Variants in ACACB observed in about 807,000 individuals in gnomAD.
ACACB encodes acetyl-CoA carboxylase 2.
Under a neutral mutation model 278.8 loss-of-function variants are expected in ACACB, and 209 were observed. That is an observed-to-expected ratio of 0.75 (90% confidence interval 0.67 to 0.84). The LOEUF (loss-of-function observed/expected upper bound fraction) is 0.84. Ranked by LOEUF, ACACB falls within the 40% of genes least tolerant of loss-of-function variation. ACACB has a pLI of 0.00. For missense variants in ACACB, 2,850 were observed against 3,269.0 expected (o/e 0.87, Z 3.13); for synonymous variants, 1,174 against 1,285.6 (o/e 0.91, Z 1.86).
intron 1 of ACACB, among the ~76,000 whole-genome samples, chr12:109,117,047 CTTTTTTTTTTTTT>C (rs71747045): frequency 1.8e-5 from 2 of 109,100 alleles, no homozygotes; most frequent in South Asian, 3.0e-4. Context: ...AATGGTTGTT[CTTTTTTTTTTTTT>C]TTTTTTTTTT....
At chr12:109,172,465 T>A (rs2044151308) in intron 6 of ACACB, 109 bp downstream of exon 6, 1 of 985,742 alleles carries the variant, frequency 1.0e-6, no homozygotes, top group Non-Finnish European at 1.5e-6. Flanking sequence ...TCCGTTTGAT[T>A]TCCCACCTCA....
At chr12:109,170,677 T>C (rs2044081298) in intron 4 of ACACB, among the ~76,000 whole-genome samples, 1 of 152,130 alleles carries the variant, frequency 6.6e-6, no homozygotes, top group African/African-American at 2.4e-5. Flanking sequence ...TGTTCATGAG[T>C]ATAGAGCTTC....
intron 16 of ACACB, 72 bp from the exon 17 acceptor site, chr12:109,196,936 G>C: frequency 1.4e-6 from 2 of 1,444,666 alleles, no homozygotes; most frequent in Non-Finnish European, 1.8e-6. Context: ...CTTGTTTGTT[G>C]TTAGCGGGGC....
rs377753069 is a variant in ACACB, at chr12:109,144,572, T to C, written c.653+4514T>C. 7.3e-4 allele frequency among the ~76,000 whole-genome samples: 111 copies of C among 152,138 alleles called. 2 individuals are homozygous for C. The East Asian group carries it at 0.01, about 14-fold the overall frequency. ...CAGCAAATTTGATTTAAAACTCGAATTGGCTTTTATTTACAATTCTAGGAT... is the reference window on the plus strand; with the variant it reads ...CAGCAAATTTGATTTAAAACTCGAACTGGCTTTTATTTACAATTCTAGGAT... On this transcript the variant is annotated intron_variant, in intron 2 of 52. Coordinates refer to ENST00000338432, the MANE Select transcript of ACACB (RefSeq NM_001093.4).
intron 1 of ACACB, among the ~76,000 whole-genome samples, chr12:109,133,720 C>G (rs1277589230): frequency 6.6e-6 from 1 of 151,450 alleles, no homozygotes; most frequent in East Asian, 1.9e-4. Context: ...TCAAAACTGT[C>G]ATGGAGATAC....
chr12:109,267,231 C>G lies in ACACB; in HGVS notation c.*869C>G, dbSNP rs938228713. On this transcript the variant is annotated 3_prime_UTR_variant, in exon 53 of 53. Coordinates refer to ENST00000338432, the MANE Select transcript of ACACB (RefSeq NM_001093.4). ...AAATGCTATTTTGTTCCCCAAATGG[C>G]GCTAGTGAATCACTAGGAGGGTCCC... 1 of 152,108 alleles carries G rather than the reference C, an allele frequency of 6.6e-6. No homozygotes were observed. Among genetic ancestry groups the G allele is most frequent in the African/African-American group, 2.4e-5 (1 of 41,398 alleles). The allele number at this position is 152,108 out of a possible 1,614,324, so 9.4% of individuals were successfully genotyped here.
chr12:109,241,206 G>C lies in ACACB; in HGVS notation c.4947G>C (p.Leu1649=). 1.2e-6 allele frequency: 2 copies of C among 1,614,194 alleles called. No individual in the cohort carries two copies. The highest frequency in any genetic ancestry group is 1.7e-6 in the Non-Finnish European group (2 of 1,180,036). Residue 1649 remains leucine, a synonymous_variant, in exon 36 of 53, where the codon CTG becomes CTC. Coordinates refer to ENST00000338432, the MANE Select transcript of ACACB (RefSeq NM_001093.4). ...CCGGCAGTGCCGTTCCCATCCGCCT[G>C]TTCATCACCAATGAGTCGGGCTACT... ...TTTGSAVPIR[L]FITNESGYYL...
At chr12:109,185,432 C>T (rs1277096055) in intron 11 of ACACB, 147 bp from the exon 12 acceptor site, 4 of 826,930 alleles carry the variant, frequency 4.8e-6, no homozygotes, top group Non-Finnish European at 5.5e-6. Flanking sequence ...TCTCTGGCCA[C>T]AGTAGAGCAC....
intron 2 of ACACB, among the ~76,000 whole-genome samples, chr12:109,142,723 C>T (rs1593393209): frequency 6.6e-6 from 1 of 152,118 alleles, no homozygotes; most frequent in African/African-American, 2.4e-5. Context: ...TGTGCCACCA[C>T]ACCTGGCTAA....
Position 109,191,853 on chromosome 12 carries a change from A to G in ACACB, c.2302A>G (p.Lys768Glu). ...GAAGTGCATTTTCTCCTAGGCGGAGAAACCGGATATCATGCTTGGGGTGGT... is the reference window on the plus strand; with the variant it reads ...GAAGTGCATTTTCTCCTAGGCGGAGGAACCGGATATCATGCTTGGGGTGGT... ...YLIAEKVQAE[K>E]PDIMLGVVCG... The change falls in exon 15 of 53, where the codon AAA becomes GAA. Residue 768 changes from lysine (K) to glutamate (E), a missense_variant. Physicochemically the swap from Lys to Glu is moderately conservative, Grantham distance 56. This residue lies in a region of ACACB where 2,265 missense variants were observed against 2,561.3 expected (regional missense o/e 0.88). Transcript: ENST00000338432. 6.2e-6 allele frequency: 10 copies of G among 1,614,130 alleles called. No individual in the cohort carries two copies. Among genetic ancestry groups the G allele is most frequent in the Non-Finnish European group, 8.5e-6 (10 of 1,180,022 alleles).
chr12:109,131,839 G>A (rs947502276), intron 1 of ACACB, among the ~76,000 whole-genome samples: 2 of 152,272 alleles, frequency 1.3e-5, no homozygotes, highest in East Asian at 1.9e-4. Context: ...GGAAGGGCTC[G>A]TCTGGCCTTC....
chr12:109,184,624 C>G (rs2044590765), intron 11 of ACACB, among the ~76,000 whole-genome samples: 1 of 152,056 alleles, frequency 6.6e-6, no homozygotes, highest in Non-Finnish European at 1.5e-5. Flanking sequence ...GTGACACATT[C>G]CATTTTATTT....
chr12:109,132,598 G>C (rs1356493249), intron 1 of ACACB, among the ~76,000 whole-genome samples: 1 of 152,138 alleles, frequency 6.6e-6, no homozygotes, highest in Non-Finnish European at 1.5e-5. Context: ...GCAGCAGTGA[G>C]GTGAATGGGG....
chr12:109,248,834 G>T (rs958471095), intron 40 of ACACB: 2 of 152,184 alleles, frequency 1.3e-5, no homozygotes, highest in Non-Finnish European at 2.9e-5. Context: ...ATGCTAAAGT[G>T]CATTGTGAAT....
intron 33 of ACACB, among the ~76,000 whole-genome samples, chr12:109,236,923 G>A (rs758705616): frequency 6.6e-6 from 1 of 151,992 alleles, no homozygotes; most frequent in East Asian, 1.9e-4. Context: ...AGGAGCCAGC[G>A]CTGCACCCAG....
chr12:109,266,372 G>T lies in ACACB; in HGVS notation c.*10G>T. 1.3e-6 allele frequency: 2 copies of T among 1,589,430 alleles called. No individual in the cohort carries two copies. Among genetic ancestry groups the T allele is most frequent in the South Asian group, 2.2e-5 (2 of 88,988 alleles). On this transcript the variant is annotated 3_prime_UTR_variant, in exon 53 of 53. Coordinates refer to ENST00000338432, the MANE Select transcript of ACACB (RefSeq NM_001093.4). ...CCCGGCCTCCACCTGACCGTGGCCC[G>T]CCCAGCCACTCCCGGGACCACGGCA...
rs758029445 is a variant in ACACB, at chr12:109,237,333, A to G, written c.4615A>G (p.Arg1539Gly). 1.2e-6 allele frequency: 2 copies of G among 1,614,168 alleles called. No homozygotes were observed. Among genetic ancestry groups the G allele is most frequent in the Non-Finnish European group, 1.7e-6 (2 of 1,180,032 alleles). ...VKEGVEVTDHRFFIRAIIRHS... is the reference protein window; with the variant it reads ...VKEGVEVTDHGFFIRAIIRHS... ...GGAAGGTGTGGAAGTGACGGACCAT[A>G]GGTTCTTCATCCGCGCCATCATCAG... Residue 1539 changes from arginine to glycine, a missense_variant, in exon 34 of 53, where the codon AGG becomes GGG. By Grantham distance (125) the Arg-to-Gly change is moderately radical. Around this residue, in one of 3 missense-constraint regions of ACACB, gnomAD observed 2,265 missense variants for 2,561.3 expected, o/e 0.88. Coordinates refer to ENST00000338432, the MANE Select transcript of ACACB (RefSeq NM_001093.4).
intron 24 of ACACB, among the ~76,000 whole-genome samples, chr12:109,217,678 T>C (rs2046044423): frequency 6.6e-6 from 1 of 151,818 alleles, no homozygotes; most frequent in Admixed American, 6.6e-5. Flanking sequence ...TGTGCACCTG[T>C]AGTCCCAGCT....
intron 1 of ACACB, among the ~76,000 whole-genome samples, chr12:109,122,739 T>G (rs1271987217): frequency 6.6e-6 from 1 of 151,956 alleles, no homozygotes; most frequent in Non-Finnish European, 1.5e-5. Flanking sequence ...GTTGACCTGT[T>G]TTTTTTTAAC....
Sources: gnomAD v4.1 joint callset for allele counts (sites outside exome capture counted in the v4.1 genomes callset) on GRCh38, gnomAD v4.1.1 for gene constraint, gnomAD v4.1.1 regional missense constraint, MANE v1.5 for transcripts, NCBI Gene and HGNC (gene_info 2026-07-23, HGNC 2026-07-21) for gene names.